Variants in SOX5 observed in about 807,000 individuals in gnomAD.
SOX5 encodes SRY-box transcription factor 5, also known as transcription factor SOX-5.
In SOX5, 9 loss-of-function variants were observed where a neutral mutation model predicts 92.0. The ratio of observed to expected loss-of-function variants is 0.10; its 90% CI spans 0.06 to 0.17. SOX5 has a LOEUF of 0.17. Ranked by LOEUF, SOX5 falls within the 10% of genes least tolerant of loss-of-function variation. The pLI is 1.00. For missense variants in SOX5, 642 were observed against 944.5 expected (o/e 0.68, Z 4.20); for synonymous variants, 344 against 336.3 (o/e 1.02, Z -0.25).
At chr12:23,820,202 G>GT (rs2096079085) in intron 3 of SOX5, among the ~76,000 whole-genome samples, 1 of 152,094 alleles carries the variant, frequency 6.6e-6, no homozygotes, top group Non-Finnish European at 1.5e-5. Flanking sequence ...TTTTTTTCAT[G>GT]TTTTTTGGCC....
chr12:23,617,893 A>C (rs1014342091), intron 8 of SOX5, among the ~76,000 whole-genome samples: 5 of 151,888 alleles, frequency 3.3e-5, no homozygotes, highest in Non-Finnish European at 7.4e-5. Flanking sequence ...TCTTTCGCTC[A>C]CTCCCTCCCT....
intron 9 of SOX5, among the ~76,000 whole-genome samples, chr12:23,582,560 A>G (rs1046280189): frequency 6.6e-6 from 1 of 152,104 alleles, no homozygotes; most frequent in African/African-American, 2.4e-5. Flanking sequence ...ACCCCTTTTC[A>G]TGATCAGTTG....
intron 1 of SOX5, among the ~76,000 whole-genome samples, chr12:24,530,809 C>T (rs893716328): frequency 6.6e-6 from 1 of 151,562 alleles, no homozygotes; most frequent in Non-Finnish European, 1.5e-5. Flanking sequence ...CTCTGTTGAA[C>T]CTACTCTTGC....
intron 3 of SOX5, among the ~76,000 whole-genome samples, chr12:24,274,999 T>C (rs537326525): frequency 3.9e-5 from 6 of 151,972 alleles, no homozygotes; most frequent in Non-Finnish European, 7.4e-5. Flanking sequence ...GTCTAAGTGG[T>C]TGTATGGATC....
intron 4 of SOX5, among the ~76,000 whole-genome samples, chr12:24,087,251 A>C (rs1168950729): frequency 6.6e-6 from 1 of 152,056 alleles, no homozygotes; most frequent in African/African-American, 2.4e-5. Context: ...GAATTGCCAA[A>C]ATTTTATCAT....
At chr12:24,374,191 G>A (rs1020477025) in intron 1 of SOX5, among the ~76,000 whole-genome samples, 2 of 152,044 alleles carry the variant, frequency 1.3e-5, no homozygotes, top group Non-Finnish European at 2.9e-5. Flanking sequence ...TGGCTTCCAG[G>A]GCAGTGGTGC....
At chr12:24,523,714 G>A (rs974451448) in intron 1 of SOX5, among the ~76,000 whole-genome samples, 1 of 152,078 alleles carries the variant, frequency 6.6e-6, no homozygotes, top group Non-Finnish European at 1.5e-5. Flanking sequence ...TTATACACTT[G>A]TTTCATATCA....
chr12:24,121,648 A>G (rs940336573), intron 4 of SOX5, among the ~76,000 whole-genome samples: 7 of 134,044 alleles, frequency 5.2e-5, no homozygotes. Flanking sequence ...CAGCACTTTG[A>G]GAGGCTGAGG....
chr12:23,989,218 CAAA>C (rs554892984), intron 4 of SOX5, among the ~76,000 whole-genome samples: 19,567 of 104,630 alleles, frequency 0.19, 1,401 homozygotes, highest in Admixed American at 0.24. Context: ...GCCAAAAATA[CAAA>C]AAAAAAAAAA....
At chr12:24,137,031 G>A (rs1479325553) in intron 4 of SOX5, among the ~76,000 whole-genome samples, 7 of 152,170 alleles carry the variant, frequency 4.6e-5, no homozygotes, top group Admixed American at 3.9e-4. Flanking sequence ...ACTTTAAAGT[G>A]TCTTGGTCTT....
At chr12:23,965,469 C>A (rs1947447800) in intron 4 of SOX5, among the ~76,000 whole-genome samples, 1 of 152,150 alleles carries the variant, frequency 6.6e-6, no homozygotes, top group Non-Finnish European at 1.5e-5. Flanking sequence ...AGTTCTCTAG[C>A]ACTGGACAAC....
At chr12:23,778,121 T>C (rs2141684508) in intron 3 of SOX5, among the ~76,000 whole-genome samples, 1 of 152,318 alleles carries the variant, frequency 6.6e-6, no homozygotes, top group African/African-American at 2.4e-5. Context: ...CAAATGTAAT[T>C]GTCCTTCCTA....
intron 1 of SOX5, among the ~76,000 whole-genome samples, chr12:24,561,300 T>G (rs1954313368): frequency 6.6e-6 from 1 of 152,206 alleles, no homozygotes; most frequent in Admixed American, 6.5e-5. Context: ...GAATTCACAT[T>G]CATCATCACA....
chr12:24,038,502 T>C (rs1038808348), intron 4 of SOX5, among the ~76,000 whole-genome samples: 10 of 152,168 alleles, frequency 6.6e-5, no homozygotes, highest in African/African-American at 2.4e-4. Context: ...GTGAAGCAAA[T>C]TAATTACACA....
intron 4 of SOX5, among the ~76,000 whole-genome samples, chr12:24,169,751 A>T (rs1302616794): frequency 6.6e-6 from 1 of 152,182 alleles, no homozygotes; most frequent in Non-Finnish European, 1.5e-5. Context: ...GCCTTGAGCA[A>T]ATTATTCCCC....
intron 2 of SOX5, among the ~76,000 whole-genome samples, chr12:24,351,088 A>G (rs1164129559): frequency 6.6e-6 from 1 of 152,110 alleles, no homozygotes; most frequent in Non-Finnish European, 1.5e-5. Context: ...AAGAAAAGAA[A>G]GAACTCAATA....
At chr12:23,616,853 C>T in intron 8 of SOX5, among the ~76,000 whole-genome samples, 1 of 152,270 alleles carries the variant, frequency 6.6e-6, no homozygotes, top group Non-Finnish European at 1.5e-5. Flanking sequence ...TCTGCTGAGG[C>T]TCAAGCCTGT....
intron 1 of SOX5, among the ~76,000 whole-genome samples, chr12:24,417,311 C>CA (rs1965188379): frequency 6.6e-6 from 1 of 152,138 alleles, no homozygotes; most frequent in South Asian, 2.1e-4. Context: ...TAACCTAGCA[C>CA]ATGGAGTTTT....
At chr12:23,570,922 AAAAAAAAAATATATATATAT>A (rs1948122226) in intron 10 of SOX5, among the ~76,000 whole-genome samples, 14 of 43,150 alleles carry the variant, frequency 3.2e-4, no homozygotes, top group African/African-American at 1.1e-3. Context: ...AAAAAAAAAA[AAAAAAAAAATATATATATAT>A]ATATATATAT....
Sources: gnomAD v4.1 joint callset for allele counts (sites outside exome capture counted in the v4.1 genomes callset) on GRCh38, gnomAD v4.1.1 for gene constraint, MANE v1.5 for transcripts, NCBI Gene and HGNC (gene_info 2026-07-23, HGNC 2026-07-21) for gene names.